Variants in PDLIM5 observed in about 807,000 individuals in gnomAD.
The protein encoded by PDLIM5 is PDZ and LIM domain protein 5.
Under a neutral mutation model 64.2 loss-of-function variants are expected in PDLIM5, and 34 were observed. The ratio of observed to expected loss-of-function variants is 0.53; its 90% confidence interval spans 0.40 to 0.71. PDLIM5 has a LOEUF of 0.71. PDLIM5 is among the 30% of genes least tolerant of loss of function. The pLI is 0.00. For missense variants in PDLIM5, 683 were observed against 733.6 expected (o/e 0.93, Z 0.80); for synonymous variants, 253 against 269.1 (o/e 0.94, Z 0.59).
At chr4:94,592,871 C>T (rs1736775920) in intron 7 of PDLIM5, among the ~76,000 whole-genome samples, 1 of 152,142 alleles carries the variant, frequency 6.6e-6, no homozygotes, top group Admixed American at 6.5e-5. Context: ...CTCAGCCTCC[C>T]GAAGTCCTAG....
intron 5 of PDLIM5, chr4:94,584,931 C>T (rs976361291): frequency 4.5e-5 from 54 of 1,211,784 alleles, no homozygotes; most frequent in Non-Finnish European, 6.2e-5. Context: ...TTTTCCTTTC[C>T]TTTTTCTTCA....
intron 7 of PDLIM5, chr4:94,587,855 A>C (rs1241732507): frequency 1.2e-6 from 1 of 844,800 alleles, no homozygotes; most frequent in Non-Finnish European, 1.4e-6. Context: ...TATGGAAAAG[A>C]TAGCTTTGCT....
intron 3 of PDLIM5, among the ~76,000 whole-genome samples, chr4:94,572,091 G>A (rs1399448565): frequency 2.0e-5 from 3 of 152,108 alleles, no homozygotes; most frequent in Non-Finnish European, 4.4e-5. Flanking sequence ...CATAGAGACC[G>A]AATATCCTGT....
chr4:94,657,775 C>T (rs755138195), intron 11 of PDLIM5, among the ~76,000 whole-genome samples: 6 of 152,024 alleles, frequency 3.9e-5, no homozygotes, highest in East Asian at 1.9e-4. Flanking sequence ...GGCCCAATCT[C>T]GGCTCACTGC....
chr4:94,625,914 A>G lies in PDLIM5; in HGVS notation c.1108+7723A>G, dbSNP rs541184020. Among the ~76,000 whole-genome samples the G allele has an allele frequency of 6.8e-4, 104 of 152,336 alleles. 1 individual carries two copies. Among genetic ancestry groups the G allele is most frequent in the African/African-American group, 2.5e-3 (103 of 41,586 alleles). ...CTGTGAGACAGTTTGGATATGTAGT[A>G]AAGACAAAGGCTCTTAATTGACAAG... On this transcript the variant is annotated intron_variant, in intron 8 of 12. Transcript: ENST00000317968.
chr4:94,472,772 A>G (rs1032321886), intron 2 of PDLIM5, among the ~76,000 whole-genome samples: 27 of 152,228 alleles, frequency 1.8e-4, no homozygotes, highest in Non-Finnish European at 3.7e-4. Context: ...GAAATAAATT[A>G]TAAAATTTAG....
intron 3 of PDLIM5, among the ~76,000 whole-genome samples, chr4:94,545,327 A>G (rs1732214047): frequency 6.6e-6 from 1 of 152,208 alleles, no homozygotes; most frequent in Non-Finnish European, 1.5e-5. Context: ...TCTTTTGTTA[A>G]CCATGTACTC....
intron 7 of PDLIM5, chr4:94,587,002 C>G (rs755110520): frequency 6.2e-5 from 99 of 1,592,842 alleles, no homozygotes; most frequent in Non-Finnish European, 8.3e-5. Flanking sequence ...AAAGATACCC[C>G]TTCACGTCTT....
intron 3 of PDLIM5, among the ~76,000 whole-genome samples, chr4:94,567,171 T>G (rs949575277): frequency 6.6e-6 from 1 of 152,156 alleles, no homozygotes; most frequent in Non-Finnish European, 1.5e-5. Context: ...TTTTTTGTAT[T>G]TTTAGTAGAG....
chr4:94,610,093 A>G (rs1738241695), intron 7 of PDLIM5: 2 of 850,482 alleles, frequency 2.4e-6, no homozygotes, highest in Non-Finnish European at 1.8e-6. Context: ...GCTCTCTTGT[A>G]TTTATTATGC....
In PDLIM5 at chr4:94,575,957, C is replaced by A; in HGVS notation, c.633C>A (p.Ser211Arg). 1 of 1,614,098 alleles carries A rather than the reference C, an allele frequency of 6.2e-7. No individual in the cohort carries two copies. Among genetic ancestry groups the A allele is most frequent in the Non-Finnish European group, 8.5e-7 (1 of 1,179,968 alleles). ...VNVPRQPTVT[S>R]VCSETSQELA... is the part of the protein sequence containing the mutation. ...TCCCACGGCAGCCCACAGTCACCAG[C>A]GTGTGTTCCGAGACTTCTCAGGAGC... The change falls in exon 5 of 13, where the codon AGC becomes AGA. Residue 211 changes from serine (S) to arginine (R), a missense_variant. Ser to Arg is a moderately radical substitution (Grantham distance 110). Transcript: ENST00000317968.
At chr4:94,659,492 GTA>G (rs10538763) in intron 11 of PDLIM5, among the ~76,000 whole-genome samples, 24,159 of 102,640 alleles carry the variant, frequency 0.24, 2,283 homozygotes, top group Non-Finnish European at 0.28. Context: ...ATATATGTGT[GTA>G]TGTGTGTGTG....
chr4:94,564,075 T>A (rs577103620), intron 3 of PDLIM5, among the ~76,000 whole-genome samples: 3 of 151,216 alleles, frequency 2.0e-5, no homozygotes, highest in Non-Finnish European at 4.4e-5. Flanking sequence ...GCGATTCTCC[T>A]GCCTCAGCCT....
At chr4:94,524,542 TTTCTC>T (rs1392957477) in intron 3 of PDLIM5, among the ~76,000 whole-genome samples, 10 of 152,100 alleles carry the variant, frequency 6.6e-5, no homozygotes, top group South Asian at 2.1e-4. Flanking sequence ...AGTTTGTCCT[TTTCTC>T]TTTTTTTTTT....
chr4:94,579,945 C>G (rs1310383177), intron 5 of PDLIM5, among the ~76,000 whole-genome samples: 2 of 152,082 alleles, frequency 1.3e-5, no homozygotes, highest in Non-Finnish European at 2.9e-5. Context: ...CTCTTAAGAA[C>G]CTTTATGATT....
At chr4:94,648,168 A>C (rs2110475638) in intron 9 of PDLIM5, among the ~76,000 whole-genome samples, 1 of 152,336 alleles carries the variant, frequency 6.6e-6, no homozygotes, top group South Asian at 2.1e-4. Context: ...ATTACAGCAG[A>C]AATGAATGAA....
chr4:94,494,429 C>CTTTTTTTTTTTTTT (rs1261064734), intron 2 of PDLIM5, among the ~76,000 whole-genome samples: 15 of 51,594 alleles, frequency 2.9e-4, no homozygotes, highest in South Asian at 1.3e-3. Flanking sequence ...TTTTTTTTTT[C>CTTTTTTTTTTTTTT]TTGTTTTTTT....
chr4:94,640,585 T>C, intron 9 of PDLIM5, 135 bp downstream of exon 9: 1 of 521,996 alleles, frequency 1.9e-6, no homozygotes, highest in South Asian at 3.2e-5. Context: ...GTACTAATTA[T>C]TGAGTAAATA....
rs1743125955 is a variant in PDLIM5 at position 94,667,363 on chromosome 4, A to G, written c.*3296A>G. 6.6e-6 allele frequency: 1 copy of G among 152,196 alleles called. No homozygotes were observed. The highest frequency in any genetic ancestry group is 1.5e-5 in the Non-Finnish European group (1 of 68,044). 9.4% of individuals were successfully genotyped at this position (152,196 alleles called of 1,614,324 possible). ...ATTCAGCCCACTGTGGGTCAAAAAT[A>G]TTTGGGGAAAAAAATGGATGGTTGC... On this transcript the variant is annotated 3_prime_UTR_variant, in exon 13 of 13. Transcript: ENST00000317968.
Sources: allele counts gnomAD v4.1 joint callset (sites outside exome capture counted in the v4.1 genomes callset), GRCh38; gene constraint gnomAD v4.1.1; transcripts MANE v1.5; gene names NCBI Gene and HGNC (gene_info 2026-07-23, HGNC 2026-07-21).